PCDHGA1: variants seen among roughly 807,000 people sequenced by gnomAD.
PCDHGA1 encodes protocadherin gamma-A1.
PCDHGA1 carries 32 observed loss-of-function variants against 58.0 expected under a neutral mutation model. That is an observed-to-expected ratio of 0.55 (90% CI 0.42 to 0.74). PCDHGA1 has a LOEUF of 0.74. Ranked by LOEUF, PCDHGA1 falls within the 30% of genes least tolerant of loss-of-function variation. The pLI, the probability that PCDHGA1 is intolerant of heterozygous loss-of-function variation, is 0.00. For synonymous variants in PCDHGA1, 498 were observed against 501.1 expected (o/e 0.99, Z 0.08); for missense variants, 1,205 against 1,182.3 (o/e 1.02, Z -0.28).
At chr5:141,368,210 C>A (rs1293678228) in intron 1 of PCDHGA1, among the ~76,000 whole-genome samples, 5 of 152,078 alleles carry the variant, frequency 3.3e-5, no homozygotes, top group Admixed American at 6.5e-5. Flanking sequence ...TAAAATATTA[C>A]AAATGGGATA....
intron 1 of PCDHGA1, chr5:141,360,579 A>G (rs761569852): frequency 6.2e-7 from 1 of 1,614,014 alleles, no homozygotes; most frequent in Non-Finnish European, 8.5e-7. Flanking sequence ...CCACTAAGCC[A>G]GGTACAACAT....
At chr5:141,354,048 A>G (rs889128312) in intron 1 of PCDHGA1, among the ~76,000 whole-genome samples, 1 of 152,256 alleles carries the variant, frequency 6.6e-6, no homozygotes, top group African/African-American at 2.4e-5. Flanking sequence ...GGCACATGCA[A>G]TGATAATCCA....
chr5:141,366,048 C>T (rs777611384), intron 1 of PCDHGA1: 9 of 1,614,262 alleles, frequency 5.6e-6, no homozygotes, highest in South Asian at 5.5e-5. Flanking sequence ...GACGGTTCCA[C>T]GGGCGTGGAG....
At chr5:141,350,650 C>G in intron 1 of PCDHGA1, 9 of 1,614,020 alleles carry the variant, frequency 5.6e-6, no homozygotes, top group Non-Finnish European at 6.8e-6. Context: ...CACCACGTTT[C>G]GTTGCAAAAG....
chr5:141,478,076 C>G (rs1486983629), intron 1 of PCDHGA1: 2 of 1,614,106 alleles, frequency 1.2e-6, no homozygotes, highest in Non-Finnish European at 1.7e-6. Context: ...CAATGGGGAG[C>G]CTTCGCTCTC....
In PCDHGA1 at chr5:141,357,367, C is replaced by A. The variant is rs377276213; in HGVS notation, c.2421+24262C>A. On this transcript the variant is annotated intron_variant, in intron 1 of 3. Coordinates refer to ENST00000517417, the MANE Select transcript of PCDHGA1 (RefSeq NM_018912.3). The stretch of plus-strand genomic sequence containing the variant: ...CAAGCTGAGACGCTGGCACAAGTCA[C>A]GCCTGCTTCACGCTGAAGGCAGCAG... 6 of 1,614,060 alleles carry A rather than the reference C, an allele frequency of 3.7e-6. No individual in the cohort carries two copies. In the African/African-American group the frequency reaches 6.7e-5, roughly 18 times the overall value.
At chr5:141,360,028 A>T in intron 1 of PCDHGA1, 1 of 1,360,274 alleles carries the variant, frequency 7.4e-7, no homozygotes, top group Non-Finnish European at 9.8e-7. Flanking sequence ...AGGCCAGTAT[A>T]GATTCGGAAA....
chr5:141,410,161 A>C (rs2095363664), intron 1 of PCDHGA1: 1 of 1,613,220 alleles, frequency 6.2e-7, no homozygotes, highest in African/African-American at 1.3e-5. Context: ...GACAGCCGCC[A>C]CTCTCTGCCA....
At chr5:141,341,005 C>G in intron 1 of PCDHGA1, 1 of 1,614,106 alleles carries the variant, frequency 6.2e-7, no homozygotes, top group Non-Finnish European at 8.5e-7. Context: ...TGGGCAGCCT[C>G]GAGCCCTCCG....
At chr5:141,385,294 G>C (rs1781091106) in intron 1 of PCDHGA1, 2 of 1,613,150 alleles carry the variant, frequency 1.2e-6, no homozygotes, top group Non-Finnish European at 1.7e-6. Context: ...AGATTTTCAG[G>C]AATGTAAAGA....
intron 1 of PCDHGA1, among the ~76,000 whole-genome samples, chr5:141,482,141 A>C (rs1302783884): frequency 6.6e-6 from 1 of 152,116 alleles, no homozygotes; most frequent in African/African-American, 2.4e-5. Flanking sequence ...GCTGGCATAA[A>C]AAGGTCAAGT....
intron 1 of PCDHGA1, among the ~76,000 whole-genome samples, chr5:141,397,520 TA>T (rs2093534630): frequency 6.6e-6 from 1 of 152,170 alleles, no homozygotes; most frequent in South Asian, 2.1e-4. Flanking sequence ...CCATAGCTAA[TA>T]AAAAATGAAT....
At chr5:141,379,974 A>ACTGCAACTTC (rs1471397851) in intron 1 of PCDHGA1, among the ~76,000 whole-genome samples, 23 of 128,142 alleles carry the variant, frequency 1.8e-4, no homozygotes, top group African/African-American at 6.6e-4. Context: ...ATCTCTGCTC[A>ACTGCAACTTC]CTGCAACTTC....
In PCDHGA1 at chr5:141,344,381, T is replaced by G. The variant is rs746142169; in HGVS notation, c.2421+11276T>G. ...TTCTGGTTGAGGATAAATTGAAAAT[T>G]TTTGAAGTAGAAATAGAAATTAAAG... On this transcript the variant is annotated intron_variant, in intron 1 of 3. Transcript: ENST00000517417. 2.5e-6 allele frequency: 4 copies of G among 1,612,816 alleles called. No individual in the cohort carries two copies. The African/African-American group carries it at 4.0e-5, about 16-fold the overall frequency.
In PCDHGA1 at chr5:141,371,048, C is replaced by T. The variant is rs1458695026; in HGVS notation, c.2421+37943C>T. 2.5e-6 allele frequency: 4 copies of T among 1,613,772 alleles called. No homozygotes were observed. In the Admixed American group the frequency reaches 6.7e-5, roughly 27 times the overall value. On this transcript the variant is annotated intron_variant, in intron 1 of 3. Coordinates refer to ENST00000517417, the MANE Select transcript of PCDHGA1 (RefSeq NM_018912.3). ...TGGTCCTCACAGCTGTGGATGGGGG[C>T]GAGCCCTCCAGAAGCTGTACCACCC...
chr5:141,495,469 C>G (rs1398171981), intron 2 of PCDHGA1, among the ~76,000 whole-genome samples: 1 of 152,220 alleles, frequency 6.6e-6, no homozygotes, highest in Non-Finnish European at 1.5e-5. Flanking sequence ...TGTGGGGTCT[C>G]CGTGTCTCTG....
chr5:141,371,352 G>C lies in PCDHGA1; in HGVS notation c.2421+38247G>C, dbSNP rs1005607515. ...GAGAGATAGCTACACAATTGGGGTG[G>C]AAGCAAAGGATGGTGGACATCACAC... On this transcript the variant is annotated intron_variant, in intron 1 of 3. Coordinates refer to ENST00000517417, the MANE Select transcript of PCDHGA1 (RefSeq NM_018912.3). 1.9e-6 allele frequency: 3 copies of C among 1,613,840 alleles called. No individual in the cohort carries two copies. In the African/African-American group the frequency reaches 4.0e-5, roughly 22 times the overall value.
chr5:141,404,513 G>C, intron 1 of PCDHGA1: 2 of 1,613,786 alleles, frequency 1.2e-6, no homozygotes, highest in Non-Finnish European at 8.5e-7. Context: ...GTGCTCCTTT[G>C]ACTATGAGCA....
At chr5:141,421,455 C>T (rs762490406) in intron 1 of PCDHGA1, 7 of 1,614,108 alleles carry the variant, frequency 4.3e-6, no homozygotes, top group Non-Finnish European at 4.2e-6. Flanking sequence ...CACAGCTTTT[C>T]GCTGTGAATC....
Sources: gnomAD v4.1 joint callset for allele counts (sites outside exome capture counted in the v4.1 genomes callset) on GRCh38, gnomAD v4.1.1 for gene constraint, MANE v1.5 for transcripts, NCBI Gene and HGNC (gene_info 2026-07-23, HGNC 2026-07-21) for gene names.